Variants in KIAA1958 observed in about 807,000 individuals in gnomAD.
KIAA1958 encodes the protein KIAA1958, also known as uncharacterized protein KIAA1958.
In KIAA1958, 14 loss-of-function variants were observed where a neutral mutation model predicts 47.2. The ratio of observed to expected loss-of-function variants is 0.30; its 90% CI spans 0.20 to 0.46. The LOEUF is 0.46. Ranked by LOEUF, KIAA1958 falls within the 20% of genes least tolerant of loss-of-function variation. The pLI is 1.00. For missense variants in KIAA1958, 803 were observed against 909.2 expected (o/e 0.88, Z 1.50); for synonymous variants, 354 against 353.3 (o/e 1.00, Z -0.02).
chr9:112,599,042 T>C (rs1476667714), intron 2 of KIAA1958, among the ~76,000 whole-genome samples: 3 of 152,120 alleles, frequency 2.0e-5, no homozygotes, highest in Non-Finnish European at 2.9e-5. Flanking sequence ...GCCACTGCAC[T>C]CTACCCTTGG....
chr9:112,636,577 T>C (rs1836808192), intron 2 of KIAA1958, among the ~76,000 whole-genome samples: 1 of 152,188 alleles, frequency 6.6e-6, no homozygotes, highest in Non-Finnish European at 1.5e-5. Flanking sequence ...CATACAAAAA[T>C]CTAGGATTGT....
chr9:112,495,934 G>T (rs1368875330), intron 1 of KIAA1958, among the ~76,000 whole-genome samples: 1 of 152,178 alleles, frequency 6.6e-6, no homozygotes, highest in Non-Finnish European at 1.5e-5. Flanking sequence ...AGTAGGAGAG[G>T]TTACTTGGAA....
chr9:112,577,214 G>A (rs1835660740), intron 2 of KIAA1958, among the ~76,000 whole-genome samples: 1 of 151,774 alleles, frequency 6.6e-6, no homozygotes, highest in South Asian at 2.1e-4. Context: ...GTGAGTTTTT[G>A]GAGTTCTTTA....
chr9:112,596,621 T>C (rs1256763518), intron 2 of KIAA1958, among the ~76,000 whole-genome samples: 1 of 152,214 alleles, frequency 6.6e-6, no homozygotes, highest in African/African-American at 2.4e-5. Flanking sequence ...CAAAAATATG[T>C]GTTGCTATTG....
chr9:112,529,189 A>G (rs533290867), intron 1 of KIAA1958, among the ~76,000 whole-genome samples: 1 of 152,276 alleles, frequency 6.6e-6, no homozygotes, highest in South Asian at 2.1e-4. Flanking sequence ...CTACATGTCT[A>G]TTTTAATCTA....
rs551311611 is a variant in KIAA1958, at chr9:112,604,282, A to ACC, written c.1171+29032_1171+29033insCC. 2.0e-5 allele frequency among the ~76,000 whole-genome samples: 3 copies of ACC among 152,264 alleles called. 1 individual carries two copies. The highest frequency in any genetic ancestry group is 7.2e-5 in the African/African-American group (3 of 41,556). On this transcript the variant is annotated intron_variant, in intron 2 of 3. Transcript: ENST00000337530. ...GAAAAGCTGTCTGGATAAAAACTTAACTCAGGCTATCCTGAGCCAGTGCTG... is the reference window on the plus strand; with the variant it reads ...GAAAAGCTGTCTGGATAAAAACTTAACCCTCAGGCTATCCTGAGCCAGTGCTG...
rs1014463087 is a variant in KIAA1958, at chr9:112,660,174, G to C, written c.*105G>C. 2 of 960,504 alleles carry C rather than the reference G, an allele frequency of 2.1e-6. No homozygotes were observed. The highest frequency in any genetic ancestry group is 3.1e-5 in the South Asian group (2 of 64,718). 59.5% of individuals were successfully genotyped at this position (960,504 alleles called of 1,614,324 possible). On this transcript the variant is annotated 3_prime_UTR_variant, in exon 4 of 4. Coordinates refer to ENST00000337530, the MANE Select transcript of KIAA1958 (RefSeq NM_133465.4). Reference sequence around the variant, plus strand: ...AGGGGCTGACCAGGTGTGACCTCCCGGTCTGGCGGCTCTCCCCTGGTGTGG... The same window carrying C: ...AGGGGCTGACCAGGTGTGACCTCCCCGTCTGGCGGCTCTCCCCTGGTGTGG...
At chr9:112,544,258 C>T (rs951204073) in intron 1 of KIAA1958, among the ~76,000 whole-genome samples, 19 of 152,140 alleles carry the variant, frequency 1.2e-4, no homozygotes, top group African/African-American at 1.2e-4. Flanking sequence ...GAATGAATGT[C>T]AGATCTGAGA....
intron 2 of KIAA1958, among the ~76,000 whole-genome samples, chr9:112,629,841 T>C (rs1223492723): frequency 1.3e-5 from 2 of 152,224 alleles, no homozygotes; most frequent in Admixed American, 1.3e-4. Flanking sequence ...GTGTCAACAG[T>C]GTCTCTATAA....
At chr9:112,566,247 G>A (rs988097549) in intron 1 of KIAA1958, among the ~76,000 whole-genome samples, 4 of 151,954 alleles carry the variant, frequency 2.6e-5, no homozygotes, top group African/African-American at 9.7e-5. Flanking sequence ...AAAATTAAAT[G>A]TATAATATTT....
At chr9:112,571,344 T>C (rs1450081370) in intron 1 of KIAA1958, among the ~76,000 whole-genome samples, 3 of 152,248 alleles carry the variant, frequency 2.0e-5, no homozygotes, top group African/African-American at 7.2e-5. Context: ...ATGATGTAGC[T>C]ATCCTATGAT....
At chr9:112,581,892 A>C (rs1036226653) in intron 2 of KIAA1958, 1 of 231,052 alleles carries the variant, frequency 4.3e-6, no homozygotes. Context: ...CTGAGATCAG[A>C]CCAGACTCAA....
At position 112,496,249 on chromosome 9, in the gene KIAA1958, G is replaced by A. The variant is rs144438903; in HGVS notation, c.-25+9131G>A. Among the ~76,000 whole-genome samples, 689 of 152,282 alleles carry A rather than the reference G, an allele frequency of 4.5e-3. 9 individuals are homozygous for A. Among genetic ancestry groups the A allele is most frequent in the African/African-American group, 0.015 (635 of 41,550 alleles). ...TGTAGATCGATGAGAATGATAAACA[G>A]TCTACAGCTGCATGCAGTAGTATGT... On this transcript the variant is annotated intron_variant, in intron 1 of 3. Coordinates refer to ENST00000337530, the MANE Select transcript of KIAA1958 (RefSeq NM_133465.4).
At chr9:112,521,829 T>C (rs1289060736) in intron 1 of KIAA1958, among the ~76,000 whole-genome samples, 1 of 152,164 alleles carries the variant, frequency 6.6e-6, no homozygotes, top group Non-Finnish European at 1.5e-5. Flanking sequence ...ATACATTCTC[T>C]TGTTATCCCC....
chr9:112,501,147 CT>C (rs915606577), intron 1 of KIAA1958, among the ~76,000 whole-genome samples: 7 of 147,976 alleles, frequency 4.7e-5, no homozygotes, highest in African/African-American at 1.2e-4. Context: ...ACTCAAAAAA[CT>C]TTTTTTTTTC....
chr9:112,651,051 T>C (rs1463005251), intron 3 of KIAA1958, among the ~76,000 whole-genome samples: 2 of 152,064 alleles, frequency 1.3e-5, no homozygotes, highest in Non-Finnish European at 2.9e-5. Context: ...TGATAAAACT[T>C]AAAGGAAAAA....
chr9:112,545,927 T>C (rs970522325), intron 1 of KIAA1958, among the ~76,000 whole-genome samples: 2 of 149,268 alleles, frequency 1.3e-5, no homozygotes, highest in African/African-American at 4.9e-5. Context: ...ATGAAATACA[T>C]AAACTTGTCA....
intron 1 of KIAA1958, among the ~76,000 whole-genome samples, chr9:112,533,589 A>ACCC (rs1588005792): frequency 6.7e-6 from 1 of 148,860 alleles, no homozygotes; most frequent in Non-Finnish European, 1.5e-5. Context: ...CCAAAAAAAA[A>ACCC]AAAAAAAAAA....
chr9:112,551,422 A>G (rs1476863651), intron 1 of KIAA1958, among the ~76,000 whole-genome samples: 2 of 152,190 alleles, frequency 1.3e-5, no homozygotes, highest in Non-Finnish European at 2.9e-5. Flanking sequence ...TTTAAGTTTC[A>G]TCCATGTTGT....
Sources: gnomAD v4.1 joint callset for allele counts (sites outside exome capture counted in the v4.1 genomes callset) on GRCh38, gnomAD v4.1.1 for gene constraint, MANE v1.5 for transcripts, NCBI Gene and HGNC (gene_info 2026-07-23, HGNC 2026-07-21) for gene names.